Variants in ZNF253 observed in about 807,000 individuals in gnomAD.
ZNF253 encodes the protein DNA-binding protein.
In ZNF253, 8 loss-of-function variants were observed where a neutral mutation model predicts 11.9. The ratio of observed to expected loss-of-function variants is 0.67; its 90% CI spans 0.40 to 1.22. The LOEUF is 1.22. Ranked by LOEUF, ZNF253 falls within the 50% of genes most tolerant of loss-of-function variation. The probability of loss-of-function intolerance (pLI) is 0.01; values close to 1 mark genes in which losing one functional copy is unlikely to be tolerated. For missense variants in ZNF253, 485 were observed against 586.9 expected, an observed-to-expected ratio of 0.83 and a Z score of 1.79; for synonymous variants, 194 against 194.9, an observed-to-expected ratio of 1.00 and a Z score of 0.04.
rs189550042 is a variant in ZNF253, at chr19:19,869,619, C to T, written c.3+3620C>T. ...CAGGTGATCTGCCTGCCTCAGCCTC[C>T]CGAAGTGATGGGATTACAGGCATGA... is the stretch of plus-strand genomic sequence containing the variant. On this transcript the variant is annotated intron_variant, in intron 1 of 3. Coordinates refer to ENST00000589717, the MANE Select transcript of ZNF253 (RefSeq NM_021047.3). Among the ~76,000 whole-genome samples, 91 of 150,610 alleles carry T rather than the reference C, an allele frequency of 6.0e-4. No homozygotes were observed. The East Asian group carries it at 0.017, about 28-fold the overall frequency.
chr19:19,870,603 C>A (rs949943701), intron 1 of ZNF253: 4 of 152,128 alleles, frequency 2.6e-5, no homozygotes, highest in African/African-American at 9.7e-5. Context: ...GCTGCTATTA[C>A]AGGAAAAATA....
At chr19:19,866,129 C>A in intron 1 of ZNF253, 130 bp downstream of exon 1, 1 of 1,233,866 alleles carries the variant, frequency 8.1e-7, no homozygotes, top group Non-Finnish European at 1.2e-6. Flanking sequence ...CTGCCCAGCT[C>A]GGCCTCAGTC....
intron 3 of ZNF253, among the ~76,000 whole-genome samples, chr19:19,888,181 A>G (rs1220259201): frequency 6.6e-6 from 1 of 151,996 alleles, no homozygotes; most frequent in African/African-American, 2.4e-5. Context: ...CTCCTGTCTC[A>G]GCCTCCTGAG....
intron 1 of ZNF253, among the ~76,000 whole-genome samples, chr19:19,867,284 G>A (rs932498273): frequency 6.6e-6 from 1 of 152,178 alleles, no homozygotes. Context: ...TATTGCAAAG[G>A]ACATGATCAT....
At chr19:19,878,775 A>T in intron 2 of ZNF253, 168 bp downstream of exon 2, 2 of 612,202 alleles carry the variant, frequency 3.3e-6, no homozygotes, top group Non-Finnish European at 5.1e-6. Context: ...TTTTATTATG[A>T]CCACAAAGAT....
chr19:19,871,043 A>G (rs181638486), intron 1 of ZNF253: 4 of 152,240 alleles, frequency 2.6e-5, no homozygotes, highest in Admixed American at 1.3e-4. Context: ...TTTCTCTCCA[A>G]TGCTTTGGAT....
Position 19,892,065 on chromosome 19 carries a change from C to T in ZNF253, c.818C>T (p.Thr273Ile). ...TTCAACCGATCCACAGACCTTACTA[C>T]ACATAAGATAGTTCATACTGGAGAG... ...KAFNRSTDLT[T>I]HKIVHTGEKP... Residue 273 changes from threonine to isoleucine, a missense_variant, in exon 4 of 4, where the codon ACA becomes ATA. Transcript: ENST00000589717. The T allele has an allele frequency of 1.9e-6, 3 of 1,613,598 alleles. No individual in the cohort carries two copies. The South Asian group carries it at 3.3e-5, about 18-fold the overall frequency.
At chr19:19,876,272 C>G (rs530295161) in intron 1 of ZNF253, among the ~76,000 whole-genome samples, 1 of 152,100 alleles carries the variant, frequency 6.6e-6, no homozygotes, top group Non-Finnish European at 1.5e-5. Flanking sequence ...AAAGTGGAGT[C>G]AAAATTATCA....
chr19:19,873,365 A>G (rs2063142442), intron 1 of ZNF253, among the ~76,000 whole-genome samples: 1 of 151,750 alleles, frequency 6.6e-6, no homozygotes, highest in Non-Finnish European at 1.5e-5. Context: ...TCTGTTTTTT[A>G]TTTAGAATCA....
At chr19:19,870,136 C>T (rs1048933826) in intron 1 of ZNF253, among the ~76,000 whole-genome samples, 4 of 151,952 alleles carry the variant, frequency 2.6e-5, no homozygotes, top group Admixed American at 6.6e-5. Context: ...GTGGCTCACA[C>T]CTGTAATTCC....
At chr19:19,880,234 T>G in intron 3 of ZNF253, 88 bp downstream of exon 3, 2 of 982,652 alleles carry the variant, frequency 2.0e-6, no homozygotes, top group Non-Finnish European at 2.9e-6. Context: ...AATGTGATTC[T>G]GGAAGCTGTG....
intron 3 of ZNF253, among the ~76,000 whole-genome samples, chr19:19,882,783 A>G (rs2063183237): frequency 6.6e-6 from 1 of 151,736 alleles, no homozygotes; most frequent in Non-Finnish European, 1.5e-5. Context: ...CAGCCTGGCC[A>G]ACATAGTGAA....
chr19:19,885,843 A>G (rs1377389094), intron 3 of ZNF253, among the ~76,000 whole-genome samples: 1 of 152,196 alleles, frequency 6.6e-6, no homozygotes, highest in Non-Finnish European at 1.5e-5. Context: ...TCTTTGAACA[A>G]TGAAATTTTT....
rs1599561588 is a variant in ZNF253 at position 19,893,755 on chromosome 19, G to A, written c.*1008G>A. 6.6e-6 allele frequency: 1 copy of A among 152,326 alleles called. No homozygotes were observed. The highest frequency in any genetic ancestry group is 3.4e-3 in the Middle Eastern group (1 of 294). 9.4% of individuals were successfully genotyped at this position (152,326 alleles called of 1,614,324 possible). ...CTTTCAGAAAATAGAAGTCTTTAAA[G>A]TGAAGAATATTTATTCTGAAGACAG... is the stretch of plus-strand genomic sequence containing the variant. On this transcript the variant is annotated 3_prime_UTR_variant, in exon 4 of 4. Coordinates refer to ENST00000589717, the MANE Select transcript of ZNF253 (RefSeq NM_021047.3).
intron 1 of ZNF253, among the ~76,000 whole-genome samples, chr19:19,874,296 C>T (rs899423564): frequency 1.3e-5 from 2 of 152,052 alleles, no homozygotes; most frequent in South Asian, 2.1e-4. Flanking sequence ...GAGGCCGAAG[C>T]GGGCAGATCA....
intron 2 of ZNF253, among the ~76,000 whole-genome samples, chr19:19,879,288 C>T (rs2063167645): frequency 6.6e-6 from 1 of 152,022 alleles, no homozygotes; most frequent in African/African-American, 2.4e-5. Flanking sequence ...CATTTTATTA[C>T]ATAAAAATGC....
At chr19:19,884,948 A>T (rs1003716995) in intron 3 of ZNF253, among the ~76,000 whole-genome samples, 2 of 152,162 alleles carry the variant, frequency 1.3e-5, no homozygotes, top group Non-Finnish European at 2.9e-5. Flanking sequence ...TTTTGAGAAA[A>T]ATTTGTCCAT....
At position 19,875,390 on chromosome 19, in the gene ZNF253, CTCTTTCTT is replaced by C. The variant is rs147837754; in HGVS notation, c.4-3077_4-3070del. 7.2e-3 allele frequency among the ~76,000 whole-genome samples: 1,081 copies of C among 150,854 alleles called. 15 individuals carry two copies. Among genetic ancestry groups the C allele is most frequent in the African/African-American group, 0.024 (977 of 40,914 alleles). ...AAAATTTTCTCTAAACTACATTAAA[CTCTTTCTT>C]TCTTTCTTTCTTTTTTGAGATGGAG... On this transcript the variant is annotated intron_variant, in intron 1 of 3. Transcript: ENST00000589717.
At chr19:19,883,940 C>T (rs967063956) in intron 3 of ZNF253, among the ~76,000 whole-genome samples, 2 of 151,770 alleles carry the variant, frequency 1.3e-5, no homozygotes, top group Non-Finnish European at 2.9e-5. Context: ...GCCTATAATC[C>T]CAGCTCCTCG....
Sources: allele counts gnomAD v4.1 joint callset (sites outside exome capture counted in the v4.1 genomes callset), GRCh38; gene constraint gnomAD v4.1.1; transcripts MANE v1.5; gene names NCBI Gene and HGNC (gene_info 2026-07-23, HGNC 2026-07-21).